PCDH15: variants seen among roughly 807,000 people sequenced by gnomAD.
The protein encoded by PCDH15 is protocadherin-15.
PCDH15 carries 129 observed loss-of-function variants against 178.5 expected under a neutral mutation model. The ratio of observed to expected loss-of-function variants is 0.72; its 90% CI spans 0.63 to 0.84. The LOEUF is 0.84. Among genes scored for constraint, PCDH15 ranks in the 40% least tolerant of loss-of-function variants. The pLI is 0.00. For missense variants in PCDH15, 2,230 were observed against 2,099.9 expected, an observed-to-expected ratio of 1.06 and a Z score of -1.21; for synonymous variants, 800 against 732.0, an observed-to-expected ratio of 1.09 and a Z score of -1.50.
intron 8 of PCDH15, among the ~76,000 whole-genome samples, chr10:54,308,119 T>C (rs1411694968): frequency 6.6e-6 from 1 of 152,094 alleles, no homozygotes; most frequent in Non-Finnish European, 1.5e-5. Context: ...ATTCAGACTC[T>C]GAGTGCTTAC....
intron 3 of PCDH15, among the ~76,000 whole-genome samples, chr10:54,468,524 TTTGA>T (rs1207199780): frequency 6.6e-6 from 1 of 152,270 alleles, no homozygotes; most frequent in East Asian, 1.9e-4. Flanking sequence ...CTTGGTATAT[TTTGA>T]TTATTAAAAA....
At position 55,580,854 on chromosome 10, in the gene PCDH15, G is replaced by A. The variant is rs118054683; in HGVS notation, c.-156+46771C>T. 2.1e-4 allele frequency among the ~76,000 whole-genome samples: 32 copies of A among 152,264 alleles called. 1 individual carries two copies. In the East Asian group the frequency reaches 4.2e-3, roughly 20 times the overall value. ...CCTGAGGAATGTTGTACTGGAAGCT[G>A]GTGGCTGATTTAGTATAGGCCATAC... is the stretch of plus-strand genomic sequence containing the variant. On this transcript the variant is annotated intron_variant, in intron 2 of 5. Coordinates refer to the PCDH15 transcript ENST00000613346.
intron 2 of PCDH15, among the ~76,000 whole-genome samples, chr10:55,034,062 C>A (rs529724529): frequency 6.3e-5 from 9 of 142,822 alleles, no homozygotes; most frequent in Non-Finnish European, 1.4e-4. Flanking sequence ...ACTTCCCAAC[C>A]TTTAGAACTC....
Position 54,638,731 on chromosome 10 carries a change from A to T in PCDH15, c.91+25441T>A, listed in dbSNP as rs56735337. On this transcript the variant is annotated intron_variant, in intron 2 of 37. Transcript: ENST00000644397. Reference sequence around the variant, plus strand: ...ATCATTATATAAAAAAGACACATACACATGCGCATTTATTTGCAACACAAT... The same window carrying T: ...ATCATTATATAAAAAAGACACATACTCATGCGCATTTATTTGCAACACAAT... Among the ~76,000 whole-genome samples, 548 of 152,270 alleles carry T rather than the reference A, an allele frequency of 3.6e-3. 8 individuals carry two copies. The highest frequency in any genetic ancestry group is 0.013 in the African/African-American group (533 of 41,578).
Position 55,513,701 on chromosome 10 carries a change from A to T in PCDH15, c.-156+113924T>A, listed in dbSNP as rs1047062498. On this transcript the variant is annotated intron_variant, in intron 2 of 5. Transcript: ENST00000613346. ...TAAAGATGTAGAAATAATAGTAGCTATAACTCTTGCTGTTTCTTGGTATTT... is the reference window on the plus strand; with the variant it reads ...TAAAGATGTAGAAATAATAGTAGCTTTAACTCTTGCTGTTTCTTGGTATTT... Among the ~76,000 whole-genome samples the T allele has an allele frequency of 2.6e-5, 4 of 152,216 alleles. No homozygotes were observed. In the East Asian group the frequency reaches 7.7e-4, roughly 29 times the overall value.
intron 2 of PCDH15, among the ~76,000 whole-genome samples, chr10:54,924,674 A>C (rs1837572773): frequency 6.6e-6 from 1 of 151,864 alleles, no homozygotes; most frequent in Admixed American, 6.6e-5. Flanking sequence ...TATAGTTTTG[A>C]TTTGCATTTT....
At chr10:55,617,874 A>G (rs1417842012) in intron 2 of PCDH15, among the ~76,000 whole-genome samples, 2 of 152,012 alleles carry the variant, frequency 1.3e-5, no homozygotes, top group African/African-American at 4.8e-5. Context: ...TAAACTTTTC[A>G]GTTAATTTTA....
At chr10:54,298,013 C>T (rs190275484) in intron 8 of PCDH15, among the ~76,000 whole-genome samples, 1 of 152,254 alleles carries the variant, frequency 6.6e-6, no homozygotes, top group African/African-American at 2.4e-5. Flanking sequence ...TGGATCCCCA[C>T]TGGGACTTCA....
intron 34 of PCDH15, among the ~76,000 whole-genome samples, chr10:53,816,488 T>C (rs758500961): frequency 7.9e-5 from 12 of 152,204 alleles, no homozygotes; most frequent in Non-Finnish European, 1.6e-4. Context: ...TTGTTATGTT[T>C]TAATTTCATC....
At chr10:55,077,480 C>T (rs1270344403) in intron 2 of PCDH15, among the ~76,000 whole-genome samples, 3 of 145,588 alleles carry the variant, frequency 2.1e-5, no homozygotes, top group African/African-American at 7.7e-5. Flanking sequence ...TTCCTTCTTT[C>T]CTTTCCTTCC....
At chr10:55,485,974 T>A (rs554568786) in intron 2 of PCDH15, among the ~76,000 whole-genome samples, 38 of 151,808 alleles carry the variant, frequency 2.5e-4, no homozygotes, top group Non-Finnish European at 4.3e-4. Context: ...TAGGTGAGTT[T>A]CCCTGTCAAA....
At chr10:55,279,306 G>A (rs958349466) in intron 1 of PCDH15, among the ~76,000 whole-genome samples, 4 of 152,272 alleles carry the variant, frequency 2.6e-5, no homozygotes, top group South Asian at 2.1e-4. Context: ...GTAGATGTGC[G>A]TGGAAATTAC....
At chr10:55,137,228 T>A (rs943699833) in intron 2 of PCDH15, among the ~76,000 whole-genome samples, 2 of 152,178 alleles carry the variant, frequency 1.3e-5, no homozygotes, top group South Asian at 4.1e-4. Flanking sequence ...GCACATACAA[T>A]GGTTGTCTCA....
intron 2 of PCDH15, among the ~76,000 whole-genome samples, chr10:54,934,393 T>A (rs536546810): frequency 7.9e-5 from 12 of 152,108 alleles, no homozygotes; most frequent in South Asian, 2.1e-4. Context: ...ATACTAAAAA[T>A]TTTTTTTATT....
At chr10:55,503,601 A>G (rs1840701279) in intron 2 of PCDH15, among the ~76,000 whole-genome samples, 1 of 151,316 alleles carries the variant, frequency 6.6e-6, no homozygotes, top group Non-Finnish European at 1.5e-5. Flanking sequence ...TGAGAATAAA[A>G]CATCATTTAT....
chr10:55,524,686 GTTTCTGATACCTCAGAAAGCAC>G (rs1319283360), intron 2 of PCDH15, among the ~76,000 whole-genome samples: 1 of 151,264 alleles, frequency 6.6e-6, no homozygotes, highest in Non-Finnish European at 1.5e-5. Flanking sequence ...GCATGTATTT[GTTTCTGATACCTCAGAAAGCAC>G]TGAGGTATTG....
chr10:53,917,785 G>A (rs1197297835), intron 25 of PCDH15, among the ~76,000 whole-genome samples: 8 of 152,172 alleles, frequency 5.3e-5, no homozygotes, highest in Non-Finnish European at 1.2e-4. Flanking sequence ...GTGGGGCCTG[G>A]TGGGAGGTGC....
At chr10:54,886,844 A>C (rs1367495499) in intron 3 of PCDH15, among the ~76,000 whole-genome samples, 2 of 152,242 alleles carry the variant, frequency 1.3e-5, no homozygotes, top group African/African-American at 4.8e-5. Context: ...AAAGGCAATA[A>C]ATAGGCTTTT....
intron 2 of PCDH15, among the ~76,000 whole-genome samples, chr10:55,464,095 G>A (rs1839776200): frequency 6.6e-6 from 1 of 150,400 alleles, no homozygotes; most frequent in African/African-American, 2.4e-5. Context: ...AAAAGAAAAG[G>A]AGTACTGACA....
Sources: allele counts gnomAD v4.1 joint callset (sites outside exome capture counted in the v4.1 genomes callset), GRCh38; gene constraint gnomAD v4.1.1; transcripts MANE v1.5; gene names NCBI Gene and HGNC (gene_info 2026-07-23, HGNC 2026-07-21).